The following SEMA3G variants were observed in gnomAD, a reference collection of about 807,000 sequenced individuals.
SEMA3G encodes semaphorin 3G.
Under a neutral mutation model 86.2 loss-of-function variants are expected in SEMA3G, and 70 were observed. The observed-to-expected ratio is 0.81, with a 90% CI of 0.67 to 0.99. SEMA3G has a LOEUF of 0.99. SEMA3G is among the 50% of genes least tolerant of loss of function. SEMA3G has a pLI of 0.00. For missense variants in SEMA3G, 1,002 were observed against 1,072.4 expected (o/e 0.93, Z 0.92); for synonymous variants, 416 against 441.4 (o/e 0.94, Z 0.72).
Position 52,442,304 on chromosome 3 carries a change from T to A in SEMA3G, c.340A>T (p.Thr114Ser), listed in dbSNP as rs1384287313. The A allele has an allele frequency of 6.2e-7, 1 of 1,606,388 alleles. No homozygotes were observed. The highest frequency in any genetic ancestry group is 1.4e-5 in the African/African-American group (1 of 73,850). ...ECVRKGRDPL[T>S]ECANFVRVLQ... ...ACCCGCACGAAGTTGGCGCACTCTGTCTGCGGGGAGAAGGAGGGGGTGGTT... is the reference window on the plus strand; with the variant it reads ...ACCCGCACGAAGTTGGCGCACTCTGACTGCGGGGAGAAGGAGGGGGTGGTT... Residue 114 changes from threonine (T) to serine (S), a missense_variant and splice_region_variant, in exon 4 of 16, where the codon ACA becomes TCA. Physicochemically the swap from Thr to Ser is moderately conservative, Grantham distance 58 (BLOSUM62 1). Coordinates refer to ENST00000231721, the MANE Select transcript of SEMA3G (RefSeq NM_020163.3). This position sits in a 1 kb window ranked among gnomAD's most constrained non-coding sequence, Gnocchi z 6.1.
At position 52,438,182 on chromosome 3, in the gene SEMA3G, GC is replaced by G. The variant is rs1049333637; in HGVS notation, c.1526del (p.Gly509AlafsTer119). 1.2e-6 allele frequency: 2 copies of G among 1,613,136 alleles called. No homozygotes were observed. The highest frequency in any genetic ancestry group is 1.7e-6 in the Non-Finnish European group (2 of 1,179,886). Reference protein sequence around the residue: ...ISVKRQMLYVGSRLGVAQLRL... With the variant: ...ISVKRQMLYVXSRLGVAQLRL... Reference sequence around the variant, plus strand: ...GCAGCTGGGCCACACCCAGCCGAGAGCCCACGTATAGCATTTGCTGGGGAGG... The same window carrying G: ...GCAGCTGGGCCACACCCAGCCGAGAGCCACGTATAGCATTTGCTGGGGAGG... On this transcript the variant is annotated frameshift_variant, in exon 14 of 16. Coordinates refer to ENST00000231721, the MANE Select transcript of SEMA3G (RefSeq NM_020163.3). LOFTEE classifies it high-confidence loss of function.
Position 52,442,830 on chromosome 3 carries a change from C to T in SEMA3G, c.193G>A (p.Glu65Lys). ...SLNLQAMYLD[E>K]YRDRLFLGGL... is the part of the protein sequence containing the mutation. ...CCCAGAAAGAGGCGGTCTCGGTACTCATCTAGGTACATGGCCTGGAGGTTC... is the reference window on the plus strand; with the variant it reads ...CCCAGAAAGAGGCGGTCTCGGTACTTATCTAGGTACATGGCCTGGAGGTTC... Residue 65 changes from glutamate to lysine, a missense_variant, in exon 2 of 16, where the codon GAG becomes AAG. Transcript: ENST00000231721. The surrounding 1 kb of genome is among the most constrained non-coding windows in gnomAD (Gnocchi z 6.1). 1 of 1,612,880 alleles carries T rather than the reference C, an allele frequency of 6.2e-7. No individual in the cohort carries two copies. The highest frequency in any genetic ancestry group is 1.7e-5 in the Admixed American group (1 of 59,906).
In SEMA3G at chr3:52,441,032, T is replaced by C. The variant is rs866971995; in HGVS notation, c.830A>G (p.Gln277Arg). The change falls in exon 8 of 16, where the codon CAG (glutamine) becomes CGG (arginine). Residue 277 changes from glutamine to arginine, a missense_variant. By Grantham distance (43) the Gln-to-Arg change is conservative. Transcript: ENST00000231721. ...GRVCVNDAGG[Q>R]RVLVNKWSTF... ...GCTCCATTTGTTCACCAGCACCCGC[T>C]GGCCCCCAGCATCATTCTGCAGGAT... 6.3e-7 allele frequency: 1 copy of C among 1,599,440 alleles called. No homozygotes were observed. The highest frequency in any genetic ancestry group is 1.1e-5 in the South Asian group (1 of 90,586).
intron 1 of SEMA3G, among the ~76,000 whole-genome samples, chr3:52,443,758 C>A (rs1030245649): frequency 1.3e-5 from 2 of 152,200 alleles, no homozygotes; most frequent in Admixed American, 1.3e-4. Context: ...CTTTTTCTAG[C>A]AGTCTGACCT....
At chr3:52,441,947 G>T in intron 4 of SEMA3G, 38 bp from the exon 5 acceptor site, 1 of 1,474,808 alleles carries the variant, frequency 6.8e-7, no homozygotes, top group Non-Finnish European at 9.3e-7. Flanking sequence ...GGCGTCACCT[G>T]GGAGAGAAGC....
rs1362430314 is a variant in SEMA3G at position 52,442,940 on chromosome 3, C to T, written c.116-33G>A. 1 of 1,563,364 alleles carries T rather than the reference C, an allele frequency of 6.4e-7. No homozygotes were observed. The highest frequency in any genetic ancestry group is 1.7e-4 in the Middle Eastern group (1 of 5,994). On this transcript the variant is annotated intron_variant, in intron 1 of 15. Coordinates refer to ENST00000231721, the MANE Select transcript of SEMA3G (RefSeq NM_020163.3). This position sits in a 1 kb window ranked among gnomAD's most constrained non-coding sequence, Gnocchi z 6.1. ...GATGTATGGGGAGGCAGATCAGGGC[C>T]ACAGCTCAGCCTAGTTCCCCAGCCA... is the stretch of plus-strand genomic sequence containing the variant.
intron 1 of SEMA3G, among the ~76,000 whole-genome samples, chr3:52,444,011 G>T (rs1231001520): frequency 6.6e-6 from 1 of 152,190 alleles, no homozygotes; most frequent in Non-Finnish European, 1.5e-5. Context: ...GCAAAAAGGG[G>T]AGGTGAAACT....
Position 52,440,017 on chromosome 3 carries a change from G to A in SEMA3G, c.1225C>T (p.Arg409Ter), listed in dbSNP as rs745860969. 3.1e-6 allele frequency: 5 copies of A among 1,612,212 alleles called. No homozygotes were observed. Among genetic ancestry groups the A allele is most frequent in the East Asian group, 4.5e-5 (2 of 44,830 alleles). ...GGCCAGAACATGAGGGGGTGGGCTC[G>A]GGCAAACTGCAGCACCTCATCTGGG... The part of the protein sequence containing the change: ...DYPDEVLQFA[R>*]AHPLMFWPVR... The change falls in exon 11 of 16, where the codon CGA becomes TGA. Residue 409 changes from arginine (R) to a stop codon, truncating the protein, a stop_gained. Transcript: ENST00000231721. LOFTEE classifies it high-confidence loss of function.
At position 52,440,750 on chromosome 3, in the gene SEMA3G, C is replaced by T. The variant is rs751588861; in HGVS notation, c.998+4G>A. 1 of 1,611,090 alleles carries T rather than the reference C, an allele frequency of 6.2e-7. No individual in the cohort carries two copies. Among genetic ancestry groups the T allele is most frequent in the East Asian group, 2.2e-5 (1 of 44,822 alleles). ...CGCAAGGCCGGGGTGCTGGGTGTGC[C>T]CACCTGACGGTGCTGAACAGCGCGT... On this transcript the variant is annotated splice_donor_region_variant and intron_variant, in intron 9 of 15. Coordinates refer to ENST00000231721, the MANE Select transcript of SEMA3G (RefSeq NM_020163.3).
rs560561647 is a variant in SEMA3G at position 52,440,117 on chromosome 3, G to A, written c.1144-19C>T. ...TGGGGCACTGTGGGCAGCAGGGAAG[G>A]GAGTGCCTGAAGTATCCTGAGACAG... On this transcript the variant is annotated intron_variant, in intron 10 of 15. Transcript: ENST00000231721. The A allele has an allele frequency of 2.9e-4, 452 of 1,548,058 alleles. 3 individuals are homozygous for A. The South Asian group carries it at 5.2e-3, about 18-fold the overall frequency.
At chr3:52,439,811 C>T in intron 11 of SEMA3G, 40 bp from the exon 12 acceptor site, 1 of 1,609,734 alleles carries the variant, frequency 6.2e-7, no homozygotes, top group Non-Finnish European at 8.5e-7. Flanking sequence ...CAGGAGGGGA[C>T]AGCCAGAGAC....
At position 52,437,560 on chromosome 3, in the gene SEMA3G, G is replaced by C; in HGVS notation, c.1845C>G (p.Leu615=). Residue 615 remains leucine (L), a synonymous_variant, in exon 15 of 16, where the codon CTC becomes CTG. Transcript: ENST00000231721. ...PKSPQAAVRW[L]LQRPGDEGPD... is the part of the protein sequence containing the mutation. ...GCCCCTCATCCCCTGGCCTCTGCAA[G>C]AGCCAGCGCACAGCAGCCTGGGGAG... is the stretch of plus-strand genomic sequence containing the variant. 1 of 1,613,180 alleles carries C rather than the reference G, an allele frequency of 6.2e-7. No homozygotes were observed. Among genetic ancestry groups the C allele is most frequent in the Non-Finnish European group, 8.5e-7 (1 of 1,179,964 alleles).
Position 52,435,938 on chromosome 3 carries a change from C to T in SEMA3G, c.2014G>A (p.Val672Met). The T allele has an allele frequency of 2.5e-6, 4 of 1,614,020 alleles. No individual in the cohort carries two copies. Among genetic ancestry groups the T allele is most frequent in the Non-Finnish European group, 3.4e-6 (4 of 1,180,042 alleles). ...FSQTVVRLALVVIVASQLDNL... is the reference protein window; with the variant it reads ...FSQTVVRLALMVIVASQLDNL... ...TCCAGCTGTGAGGCCACAATCACCA[C>T]CAGAGCCAGGCGGACCACAGTCTGG... The change falls in exon 16 of 16, where the codon GTG (valine) becomes ATG (methionine). Residue 672 changes from valine to methionine, a missense_variant. By Grantham distance (21) the Val-to-Met change is conservative (BLOSUM62 1). Coordinates refer to ENST00000231721, the MANE Select transcript of SEMA3G (RefSeq NM_020163.3).
chr3:52,437,453 T>C, intron 15 of SEMA3G, 74 bp downstream of exon 15: 1 of 1,447,204 alleles, frequency 6.9e-7, no homozygotes, highest in South Asian at 1.3e-5. Context: ...TTTCTGGGGC[T>C]CAGGTCTTGG....
Position 52,442,916 on chromosome 3 carries a change from A to T in SEMA3G, c.116-9T>A. On this transcript the variant is annotated splice_polypyrimidine_tract_variant and intron_variant, in intron 1 of 15. Transcript: ENST00000231721. This position sits in a 1 kb window ranked among gnomAD's most constrained non-coding sequence, Gnocchi z 6.1. ...GTTGGCAGACAGGAGGTCTAGGAGG[A>T]TGTATGGGGAGGCAGATCAGGGCCA... 1 of 1,582,210 alleles carries T rather than the reference A, an allele frequency of 6.3e-7. No individual in the cohort carries two copies. The highest frequency in any genetic ancestry group is 1.2e-5 in the South Asian group (1 of 86,736).
intron 1 of SEMA3G, 151 bp from the exon 2 acceptor site, chr3:52,443,058 G>A (rs544370229): frequency 5.2e-5 from 80 of 1,534,850 alleles, no homozygotes; most frequent in South Asian, 5.0e-4. Flanking sequence ...GAAGGCTTTC[G>A]GACCATGGCT....
Position 52,436,015 on chromosome 3 carries a change from C to G in SEMA3G, c.1937G>C (p.Ser646Thr), listed in dbSNP as rs534522733. 11 of 1,613,614 alleles carry G rather than the reference C, an allele frequency of 6.8e-6. No individual in the cohort carries two copies. The African/African-American group carries it at 1.3e-4, about 20-fold the overall frequency. ...GGTGTAGGTGCCCGCATCGAAACGG[C>G]TAAGCCTGCGGAACAGCAGCCCCCG... Reference protein sequence around the residue: ...TERGLLFRRLSRFDAGTYTCT... With the variant: ...TERGLLFRRLTRFDAGTYTCT... The change falls in exon 16 of 16, where the codon AGC (serine) becomes ACC (threonine). Residue 646 changes from serine (S) to threonine (T), a missense_variant. Ser to Thr is a moderately conservative substitution (Grantham distance 58, BLOSUM62 1). Coordinates refer to ENST00000231721, the MANE Select transcript of SEMA3G (RefSeq NM_020163.3).
rs771010583 is a variant in SEMA3G, at chr3:52,442,560, A to G, written c.338T>C (p.Leu113Ser). The G allele has an allele frequency of 1.2e-6, 2 of 1,614,062 alleles. No homozygotes were observed. The highest frequency in any genetic ancestry group is 1.7e-6 in the Non-Finnish European group (2 of 1,179,968). ...ACCATCCCTCCCGACAGCACTCACC[A>G]AAGGATCTCTTCCCTTTCGAACACA... ...EECVRKGRDP[L>S]TECANFVRVL... Residue 113 changes from leucine (L) to serine (S), a missense_variant and splice_region_variant, in exon 3 of 16, where the codon TTG (leucine) becomes TCG (serine). Leu to Ser is a moderately radical substitution (Grantham distance 145). Transcript: ENST00000231721. This position sits in a 1 kb window ranked among gnomAD's most constrained non-coding sequence, Gnocchi z 6.1.
chr3:52,438,839 G>T, intron 13 of SEMA3G, 81 bp downstream of exon 13: 1 of 1,584,340 alleles, frequency 6.3e-7, no homozygotes, highest in Non-Finnish European at 8.6e-7. Context: ...GCTCGAGGAG[G>T]CTGCGGAGCA....
Sources: gnomAD v4.1 joint callset for allele counts (sites outside exome capture counted in the v4.1 genomes callset) on GRCh38, gnomAD v4.1.1 for gene constraint, Gnocchi (gnomAD v3.1) non-coding constraint, MANE v1.5 for transcripts, NCBI Gene and HGNC (gene_info 2026-07-23, HGNC 2026-07-21) for gene names.